Variants in NRG1 observed in about 807,000 individuals in gnomAD.
NRG1 encodes pro-neuregulin-1, membrane-bound isoform.
NRG1 carries 18 observed loss-of-function variants against 63.8 expected under a neutral mutation model. That is an observed-to-expected ratio of 0.28 (90% CI 0.19 to 0.42). The LOEUF is 0.42. Ranked by LOEUF, NRG1 falls within the 10% of genes least tolerant of loss-of-function variation. NRG1 has a pLI of 1.00. For synonymous variants in NRG1, 302 were observed against 301.3 expected, an observed-to-expected ratio of 1.00 and a Z score of -0.02; for missense variants, 762 against 814.7, an observed-to-expected ratio of 0.94 and a Z score of 0.79.
chr8:32,625,305 G>T (rs1389940779), intron 5 of NRG1, among the ~76,000 whole-genome samples: 1 of 152,092 alleles, frequency 6.6e-6, no homozygotes, highest in Non-Finnish European at 1.5e-5. Flanking sequence ...CAATTAATTG[G>T]GTCACTGTGG....
At chr8:32,025,405 G>C (rs945186646) in intron 1 of NRG1, among the ~76,000 whole-genome samples, 1 of 152,090 alleles carries the variant, frequency 6.6e-6, no homozygotes, top group African/African-American at 2.4e-5. Flanking sequence ...TGGATGAACT[G>C]ATGGATAGAT....
At chr8:32,770,535 T>C (rs901690742), downstream of NRG1, among the ~76,000 whole-genome samples, 1 of 152,198 alleles carries the variant, frequency 6.6e-6, no homozygotes, top group South Asian at 2.1e-4. Context: ...TTTAGAAGAA[T>C]GTGAGCCCTT....
At chr8:32,057,222 G>C (rs1823093187) in intron 1 of NRG1, among the ~76,000 whole-genome samples, 1 of 152,152 alleles carries the variant, frequency 6.6e-6, no homozygotes, top group African/African-American at 2.4e-5. Context: ...TATAGACATA[G>C]TGTGTTTATA....
intron 1 of NRG1, among the ~76,000 whole-genome samples, chr8:32,533,213 G>A (rs548558430): frequency 2.6e-5 from 4 of 151,598 alleles, no homozygotes; most frequent in Non-Finnish European, 5.9e-5. Context: ...ATTTGAAGAC[G>A]TCATTACCAA....
chr8:31,804,415 A>C (rs1404087760), intron 1 of NRG1, among the ~76,000 whole-genome samples: 1 of 152,028 alleles, frequency 6.6e-6, no homozygotes, highest in Non-Finnish European at 1.5e-5. Context: ...ATGGATAGGC[A>C]TTTTTTCTGT....
At chr8:32,659,095 C>T (rs1802194481) in intron 5 of NRG1, among the ~76,000 whole-genome samples, 4 of 151,638 alleles carry the variant, frequency 2.6e-5, no homozygotes, top group Admixed American at 2.0e-4. Context: ...TTCACTTGTT[C>T]CTCCTTTCAT....
intron 5 of NRG1, among the ~76,000 whole-genome samples, chr8:32,679,803 G>T (rs940002587): frequency 2.4e-4 from 37 of 152,238 alleles, no homozygotes; most frequent in African/African-American, 8.4e-4. Flanking sequence ...AGATATTCTT[G>T]CATGGAAACA....
At chr8:32,744,740 C>T (rs1367352575) in intron 7 of NRG1, among the ~76,000 whole-genome samples, 1 of 152,018 alleles carries the variant, frequency 6.6e-6, no homozygotes, top group Non-Finnish European at 1.5e-5. Flanking sequence ...TAAATAAAAG[C>T]ATTAAAAATG....
intron 5 of NRG1, among the ~76,000 whole-genome samples, chr8:32,660,288 T>G (rs939478050): frequency 7.9e-5 from 12 of 152,204 alleles, no homozygotes; most frequent in African/African-American, 2.9e-4. Flanking sequence ...CTAAGCCTTT[T>G]GGATAAGGGA....
chr8:32,549,397 C>G (rs1833700253), intron 1 of NRG1, among the ~76,000 whole-genome samples: 1 of 152,198 alleles, frequency 6.6e-6, no homozygotes, highest in African/African-American at 2.4e-5. Context: ...CATCTTGATT[C>G]AGTCCTGTGC....
At chr8:32,204,254 T>G (rs1040066399) in intron 1 of NRG1, among the ~76,000 whole-genome samples, 6 of 152,224 alleles carry the variant, frequency 3.9e-5, no homozygotes, top group African/African-American at 1.4e-4. Context: ...TTACTTGGTA[T>G]AAGACAGCAA....
chr8:32,056,570 G>A (rs1822981901), intron 1 of NRG1, among the ~76,000 whole-genome samples: 1 of 152,038 alleles, frequency 6.6e-6, no homozygotes, highest in South Asian at 2.1e-4. Context: ...TGGTGTCTGG[G>A]CTATGTTCAT....
intron 1 of NRG1, among the ~76,000 whole-genome samples, chr8:32,063,792 C>A (rs1427485315): frequency 1.3e-5 from 2 of 152,042 alleles, no homozygotes; most frequent in African/African-American, 4.8e-5. Context: ...AAACATATCA[C>A]CTACCCTACA....
intron 1 of NRG1, among the ~76,000 whole-genome samples, chr8:31,653,629 T>C (rs866962327): frequency 5.0e-4 from 76 of 152,346 alleles, no homozygotes; most frequent in African/African-American, 1.6e-3. Context: ...GCCTCATACC[T>C]GTGTGCAGAG....
At position 32,463,396 on chromosome 8, in the gene NRG1, A is replaced by G. The variant is rs575618025; in HGVS notation, c.38-132432A>G. Among the ~76,000 whole-genome samples the G allele has an allele frequency of 2.2e-4, 33 of 152,300 alleles. No homozygotes were observed. The South Asian group carries it at 6.2e-3, about 29-fold the overall frequency. On this transcript the variant is annotated intron_variant, in intron 1 of 10. Coordinates refer to the NRG1 transcript ENST00000519301. ...TATACTGTTTTCCATAATGGCTATA[A>G]CAATTTGCATTCCCTCTGAAAGTGG...
At chr8:31,784,721 T>C (rs1820018077) in intron 1 of NRG1, among the ~76,000 whole-genome samples, 1 of 152,174 alleles carries the variant, frequency 6.6e-6, no homozygotes, top group Admixed American at 6.5e-5. Flanking sequence ...TGCCAGGACT[T>C]GGCCTCCCAA....
intron 1 of NRG1, among the ~76,000 whole-genome samples, chr8:32,308,036 CG>C (rs1856416813): frequency 6.6e-6 from 1 of 152,138 alleles, no homozygotes; most frequent in Non-Finnish European, 1.5e-5. Context: ...TTCTGGAAAA[CG>C]GGAACCATGC....
intron 1 of NRG1, among the ~76,000 whole-genome samples, chr8:31,759,462 T>C (rs1817312597): frequency 6.6e-6 from 1 of 152,058 alleles, no homozygotes; most frequent in Non-Finnish European, 1.5e-5. Flanking sequence ...ACATATCCAC[T>C]TATTCTAGTA....
At chr8:32,380,111 C>T (rs1413528982) in intron 1 of NRG1, among the ~76,000 whole-genome samples, 1 of 152,162 alleles carries the variant, frequency 6.6e-6, no homozygotes, top group Non-Finnish European at 1.5e-5. Flanking sequence ...TCTATCTCCA[C>T]ATTGCCAAAT....
Sources: allele counts gnomAD v4.1 joint callset (sites outside exome capture counted in the v4.1 genomes callset), GRCh38; gene constraint gnomAD v4.1.1; transcripts MANE v1.5; gene names NCBI Gene and HGNC (gene_info 2026-07-23, HGNC 2026-07-21).